Variants in CRB1 observed in about 807,000 individuals in gnomAD.
The protein encoded by CRB1 is crumbs cell polarity complex component 1, also known as protein crumbs homolog 1.
A neutral mutation model predicts 120.0 loss-of-function variants in CRB1; 83 were observed. The ratio of observed to expected loss-of-function variants is 0.69; its 90% CI spans 0.58 to 0.83. CRB1 has a LOEUF of 0.83. Ranked by LOEUF, CRB1 falls within the 40% of genes least tolerant of loss-of-function variation. The pLI, the probability that CRB1 is intolerant of heterozygous loss-of-function variation, is 0.00. For missense variants in CRB1, 1,699 were observed against 1,687.6 expected (o/e 1.01, Z -0.12); for synonymous variants, 625 against 612.5 (o/e 1.02, Z -0.30).
chr1:197,477,291 A>G (rs1667236995), intron 11 of CRB1, among the ~76,000 whole-genome samples: 1 of 152,184 alleles, frequency 6.6e-6, no homozygotes, highest in Non-Finnish European at 1.5e-5. Context: ...ACTTTTGGCA[A>G]GGGAGGAAAG....
At chr1:197,425,270 G>T (rs756228141) in intron 6 of CRB1, among the ~76,000 whole-genome samples, 5 of 152,098 alleles carry the variant, frequency 3.3e-5, no homozygotes, top group Non-Finnish European at 7.4e-5. Context: ...GAAAGCTACC[G>T]GTAGTTGCCT....
the CRB1 span, among the ~76,000 whole-genome samples, chr1:197,244,419 ATT>A: frequency 6.6e-6 from 1 of 150,806 alleles, no homozygotes; most frequent in Non-Finnish European, 1.5e-5. Flanking sequence ...TCCTTAAAAT[ATT>A]TTTTTTTCTG....
At chr1:197,235,347 A>T in the CRB1 span, among the ~76,000 whole-genome samples, 1 of 152,202 alleles carries the variant, frequency 6.6e-6, no homozygotes, top group Non-Finnish European at 1.5e-5. Context: ...GCAGTCAGAG[A>T]GAGAACTCAA....
intron 5 of CRB1, among the ~76,000 whole-genome samples, chr1:197,366,587 CT>C (rs1162124697): frequency 3.9e-5 from 6 of 152,038 alleles, no homozygotes; most frequent in Non-Finnish European, 8.8e-5. Flanking sequence ...AGAAAATTAA[CT>C]GACAGTCTCA....
chr1:197,433,688 A>G (rs1432260100), intron 8 of CRB1, among the ~76,000 whole-genome samples: 1 of 152,170 alleles, frequency 6.6e-6, no homozygotes, highest in East Asian at 1.9e-4. Context: ...ACATATTTGT[A>G]TATTGATGGG....
At chr1:197,333,612 G>A (rs1658986709) in intron 2 of CRB1, among the ~76,000 whole-genome samples, 1 of 152,146 alleles carries the variant, frequency 6.6e-6, no homozygotes, top group Non-Finnish European at 1.5e-5. Context: ...TAGATCTTTG[G>A]TATAAAAGTA....
intron 1 of CRB1, among the ~76,000 whole-genome samples, chr1:197,291,963 C>A (rs1321447094): frequency 1.3e-5 from 2 of 151,944 alleles, no homozygotes; most frequent in African/African-American, 4.8e-5. Context: ...CAAGAGAAAG[C>A]AGGAAAGATC....
intron 8 of CRB1, among the ~76,000 whole-genome samples, chr1:197,429,823 A>G (rs1571545354): frequency 6.6e-6 from 1 of 152,234 alleles, no homozygotes; most frequent in East Asian, 1.9e-4. Flanking sequence ...GGTCACAGCA[A>G]CACTAAACCT....
intron 11 of CRB1, among the ~76,000 whole-genome samples, chr1:197,453,420 ACTTAC>A (rs963229937): frequency 2.0e-5 from 3 of 147,468 alleles, no homozygotes; most frequent in African/African-American, 7.4e-5. Flanking sequence ...AATTTAGCAT[ACTTAC>A]AAGTATAGTA....
chr1:197,453,181 G>C (rs113129299), intron 11 of CRB1, among the ~76,000 whole-genome samples: 1 of 151,202 alleles, frequency 6.6e-6, no homozygotes, highest in South Asian at 2.1e-4. Context: ...CAAACTCCTA[G>C]AAGCAGAGGG....
At chr1:197,280,733 A>G (rs1388377540) in intron 1 of CRB1, among the ~76,000 whole-genome samples, 1 of 151,950 alleles carries the variant, frequency 6.6e-6, no homozygotes, top group East Asian at 1.9e-4. Context: ...ATTTTTTAAA[A>G]GAAGGATAGT....
At chr1:197,456,061 T>C (rs760394203) in intron 11 of CRB1, among the ~76,000 whole-genome samples, 12 of 152,152 alleles carry the variant, frequency 7.9e-5, no homozygotes, top group Non-Finnish European at 1.6e-4. Flanking sequence ...GCTACAAATA[T>C]GTTACTTTTA....
the CRB1 span, among the ~76,000 whole-genome samples, chr1:197,256,010 AAT>A: frequency 3.3e-4 from 31 of 94,452 alleles, no homozygotes; most frequent in Admixed American, 1.5e-3. Context: ...CTACAATATG[AAT>A]TATATATGTA....
chr1:197,328,310 C>G (rs779570030), intron 1 of CRB1, 112 bp from the exon 2 acceptor site: 1 of 802,974 alleles, frequency 1.2e-6, no homozygotes, highest in Non-Finnish European at 2.0e-6. Flanking sequence ...ATGAACCCAA[C>G]TATGTATTTT....
At chr1:197,271,935 G>T (rs1341878926) in intron 1 of CRB1, among the ~76,000 whole-genome samples, 2 of 152,080 alleles carry the variant, frequency 1.3e-5, no homozygotes, top group Non-Finnish European at 2.9e-5. Context: ...AAAAAAATGT[G>T]GTTTGACAAA....
the CRB1 span, among the ~76,000 whole-genome samples, chr1:197,229,087 C>A: frequency 6.6e-6 from 1 of 152,038 alleles, no homozygotes; most frequent in East Asian, 1.9e-4. Context: ...AGAGGCAAAC[C>A]GTATCAAGGA....
intron 11 of CRB1, among the ~76,000 whole-genome samples, chr1:197,459,735 C>A (rs906115416): frequency 2.6e-5 from 4 of 152,068 alleles, no homozygotes; most frequent in African/African-American, 9.7e-5. Context: ...ATGGATTTAT[C>A]AATAAAAACT....
chr1:197,284,741 A>T (rs1323271515), intron 1 of CRB1, among the ~76,000 whole-genome samples: 1 of 151,908 alleles, frequency 6.6e-6, no homozygotes, highest in Non-Finnish European at 1.5e-5. Context: ...AGCAAACAAA[A>T]ACTTCACAGA....
At chr1:197,468,041 G>A (rs1200730916) in intron 11 of CRB1, among the ~76,000 whole-genome samples, 3 of 152,280 alleles carry the variant, frequency 2.0e-5, no homozygotes, top group South Asian at 2.1e-4. Context: ...TCTGCATAAG[G>A]AGTTATCCTT....
Sources: gnomAD v4.1 joint callset for allele counts (sites outside exome capture counted in the v4.1 genomes callset) on GRCh38, gnomAD v4.1.1 for gene constraint, MANE v1.5 for transcripts, NCBI Gene and HGNC (gene_info 2026-07-23, HGNC 2026-07-21) for gene names.